Variants in FBLN2 observed in about 807,000 individuals in gnomAD.
FBLN2 encodes the protein fibulin-2.
Under a neutral mutation model 123.7 loss-of-function variants are expected in FBLN2, and 81 were observed. That is an observed-to-expected ratio of 0.65 (90% CI 0.55 to 0.79). The LOEUF is 0.79. Among genes scored for constraint, FBLN2 ranks in the 30% least tolerant of loss-of-function variants. The probability of loss-of-function intolerance (pLI) is 0.00; values close to 1 mark genes in which losing one functional copy is unlikely to be tolerated. For synonymous variants in FBLN2, 699 were observed against 701.4 expected (o/e 1.00, Z 0.05); for missense variants, 1,603 against 1,681.3 (o/e 0.95, Z 0.81).
chr3:13,596,994 C>T (rs1042521494), intron 2 of FBLN2, among the ~76,000 whole-genome samples: 10 of 151,926 alleles, frequency 6.6e-5, no homozygotes, highest in East Asian at 1.9e-4. Context: ...TGCGGTGGCA[C>T]GATCATAGCT....
chr3:13,549,128 C>T lies in FBLN2; in HGVS notation c.-122C>T, dbSNP rs1703253265. The T allele has an allele frequency of 1.2e-5, 12 of 982,812 alleles. No homozygotes were observed. Among genetic ancestry groups the T allele is most frequent in the African/African-American group, 1.8e-5 (1 of 56,906 alleles). The allele number at this position is 982,812 out of a possible 1,614,324, so 60.9% of individuals were successfully genotyped here. A position where few individuals can be genotyped will look rare whatever the true frequency, so the allele number is the denominator to read the frequency against. On this transcript the variant is annotated 5_prime_UTR_variant, in exon 1 of 18. Transcript: ENST00000404922. The stretch of plus-strand genomic sequence containing the variant: ...GCGCCTCCGCCCCGCCCCGCGCGCA[C>T]ACAGCCAGGGGCCGCCCGGGCTCTC...
rs770473425 is a variant in FBLN2, at chr3:13,637,772, T to C, written c.3549T>C (p.Asn1183=). Residue 1183 remains asparagine (N), a synonymous_variant, in exon 18 of 18, where the codon AAT becomes AAC. Coordinates refer to ENST00000404922, the MANE Select transcript of FBLN2 (RefSeq NM_001004019.2). ...EEGYFGTRRL[N]AYTGVVYLQR... ...GCTACTTTGGCACGCGCAGGCTCAA[T>C]GCCTACACGGGTGTGGTCTACCTGC... 5.6e-6 allele frequency: 9 copies of C among 1,613,928 alleles called. No individual in the cohort carries two copies. The highest frequency in any genetic ancestry group is 6.8e-6 in the Non-Finnish European group (8 of 1,179,826).
At chr3:13,617,480 A>G (rs1382618160) in intron 5 of FBLN2, among the ~76,000 whole-genome samples, 2 of 149,034 alleles carry the variant, frequency 1.3e-5, no homozygotes, top group Non-Finnish European at 3.0e-5. Flanking sequence ...CCAAATACTC[A>G]TTCATCCGTC....
At chr3:13,550,863 A>C (rs889647931) in intron 1 of FBLN2, among the ~76,000 whole-genome samples, 1 of 152,194 alleles carries the variant, frequency 6.6e-6, no homozygotes, top group African/African-American at 2.4e-5. Context: ...CTGGCCCTGC[A>C]TGTTTTGTTT....
At chr3:13,563,748 G>T (rs1279961461) in intron 1 of FBLN2, among the ~76,000 whole-genome samples, 1 of 152,240 alleles carries the variant, frequency 6.6e-6, no homozygotes, top group East Asian at 1.9e-4. Flanking sequence ...ACTACACCAT[G>T]TGGCTAGAGG....
chr3:13,559,387 C>A (rs1366227590), intron 1 of FBLN2, among the ~76,000 whole-genome samples: 1 of 152,020 alleles, frequency 6.6e-6, no homozygotes, highest in Non-Finnish European at 1.5e-5. Context: ...CAGGTGCCAG[C>A]CTCTGATGGT....
intron 2 of FBLN2, among the ~76,000 whole-genome samples, chr3:13,585,535 C>G (rs1003105202): frequency 3.9e-5 from 6 of 152,146 alleles, no homozygotes; most frequent in African/African-American, 1.4e-4. Flanking sequence ...GCTGAAGGAG[C>G]TGAAAAATGC....
At chr3:13,615,444 G>T (rs1448759897) in intron 5 of FBLN2, among the ~76,000 whole-genome samples, 1 of 152,234 alleles carries the variant, frequency 6.6e-6, no homozygotes, top group Non-Finnish European at 1.5e-5. Context: ...AGCCACAGAT[G>T]AGGTCCTGGT....
chr3:13,600,313 C>T (rs1284336454), intron 2 of FBLN2, among the ~76,000 whole-genome samples: 1 of 152,084 alleles, frequency 6.6e-6, no homozygotes, highest in Admixed American at 6.5e-5. Context: ...CCTCCTGCTG[C>T]AACTGGGTGG....
intron 3 of FBLN2, 75 bp downstream of exon 3, chr3:13,608,248 G>A: frequency 9.3e-7 from 1 of 1,070,236 alleles, no homozygotes; most frequent in Non-Finnish European, 1.4e-6. Context: ...AGGACCCCAG[G>A]CTCCAGGCAG....
intron 2 of FBLN2, among the ~76,000 whole-genome samples, chr3:13,574,728 C>T (rs1704078369): frequency 1.3e-5 from 2 of 152,182 alleles, no homozygotes; most frequent in African/African-American, 4.8e-5. Context: ...AAAGCCACCT[C>T]CCCAGCTTCT....
chr3:13,616,119 G>A (rs898559247), intron 5 of FBLN2, among the ~76,000 whole-genome samples: 2 of 152,160 alleles, frequency 1.3e-5, no homozygotes, highest in South Asian at 4.1e-4. Context: ...CAGAACAGAT[G>A]TACCAACCAC....
chr3:13,611,578 C>T (rs1399396038), intron 4 of FBLN2, among the ~76,000 whole-genome samples: 1 of 152,216 alleles, frequency 6.6e-6, no homozygotes, highest in Non-Finnish European at 1.5e-5. Flanking sequence ...CTTCAAGGTT[C>T]ATCCATGCCA....
At chr3:13,577,534 G>C (rs1448556911) in intron 2 of FBLN2, among the ~76,000 whole-genome samples, 1 of 152,196 alleles carries the variant, frequency 6.6e-6, no homozygotes, top group African/African-American at 2.4e-5. Flanking sequence ...GCAGGGTGTT[G>C]AACAAAGGGG....
At chr3:13,587,150 A>AT (rs1214128002) in intron 2 of FBLN2, among the ~76,000 whole-genome samples, 6 of 148,140 alleles carry the variant, frequency 4.1e-5, no homozygotes, top group Non-Finnish European at 7.5e-5. Context: ...GTCTCAAAAA[A>AT]AAAAAAAAAA....
intron 2 of FBLN2, among the ~76,000 whole-genome samples, chr3:13,582,577 T>A (rs1048810333): frequency 2.6e-5 from 4 of 152,178 alleles, no homozygotes; most frequent in African/African-American, 9.6e-5. Flanking sequence ...TGGGGCCAAG[T>A]TGCAGTGAGA....
At chr3:13,576,324 A>C (rs1173675009) in intron 2 of FBLN2, among the ~76,000 whole-genome samples, 1 of 152,328 alleles carries the variant, frequency 6.6e-6, no homozygotes. Flanking sequence ...GATATCACAC[A>C]GGCCTCTCTT....
At chr3:13,578,900 A>G (rs1252782873) in intron 2 of FBLN2, among the ~76,000 whole-genome samples, 1 of 151,692 alleles carries the variant, frequency 6.6e-6, no homozygotes, top group African/African-American at 2.4e-5. Context: ...ACTAAAAATA[A>G]AAAAATTAGC....
chr3:13,560,226 C>T (rs1025176345), intron 1 of FBLN2, among the ~76,000 whole-genome samples: 1 of 152,054 alleles, frequency 6.6e-6, no homozygotes, highest in African/African-American at 2.4e-5. Flanking sequence ...GCTTTTTATT[C>T]ATTTCTTGTT....
Sources: gnomAD v4.1 joint callset for allele counts (sites outside exome capture counted in the v4.1 genomes callset) on GRCh38, gnomAD v4.1.1 for gene constraint, MANE v1.5 for transcripts, NCBI Gene and HGNC (gene_info 2026-07-23, HGNC 2026-07-21) for gene names.